The following ETV3 variants were observed in gnomAD, a reference collection of about 807,000 sequenced individuals.
The protein encoded by ETV3 is ETS translocation variant 3.
In ETV3, 8 loss-of-function variants were observed where a neutral mutation model predicts 33.0. That is an observed-to-expected ratio of 0.24 (90% confidence interval 0.14 to 0.44). ETV3 has a LOEUF of 0.44. ETV3 is among the 20% of genes least tolerant of loss of function. The pLI, the probability that ETV3 is intolerant of heterozygous loss-of-function variation, is 1.00. For synonymous variants in ETV3, 222 were observed against 238.9 expected (o/e 0.93, Z 0.65); for missense variants, 473 against 652.3 (o/e 0.73, Z 2.99).
At chr1:157,132,656 G>T (rs1674994629) in intron 4 of ETV3, among the ~76,000 whole-genome samples, 1 of 152,124 alleles carries the variant, frequency 6.6e-6, no homozygotes, top group Non-Finnish European at 1.5e-5. Context: ...CAAGATTTGA[G>T]TGGCGAGTAC....
At chr1:157,135,370 T>G in intron 3 of ETV3, 101 bp downstream of exon 3, 1 of 1,349,436 alleles carries the variant, frequency 7.4e-7, no homozygotes. Context: ...ACTAAGATAG[T>G]GTAGTCTTTT....
intron 4 of ETV3, among the ~76,000 whole-genome samples, chr1:157,131,490 G>A (rs369878335): frequency 1.5e-4 from 23 of 152,212 alleles, no homozygotes; most frequent in African/African-American, 5.3e-4. Flanking sequence ...TGTAAGTTCC[G>A]TGAGGTAAAG....
At chr1:157,134,062 A>C (rs748939441) in intron 4 of ETV3, 50 bp downstream of exon 4, 2 of 1,589,872 alleles carry the variant, frequency 1.3e-6, no homozygotes, top group East Asian at 4.5e-5. Context: ...ATTTTTAAAA[A>C]TTCTTTTCAA....
At chr1:157,128,536 C>T in intron 4 of ETV3, 1 of 261,704 alleles carries the variant, frequency 3.8e-6, no homozygotes, top group African/African-American at 2.3e-5. Flanking sequence ...AAAGGCATTA[C>T]CTGGGGAGAG....
chr1:157,130,720 AAC>A (rs1674950424), intron 4 of ETV3, among the ~76,000 whole-genome samples: 2 of 152,232 alleles, frequency 1.3e-5, no homozygotes, highest in Admixed American at 6.5e-5. Context: ...TATGACGATT[AAC>A]AGTTAATATT....
chr1:157,131,513 C>T (rs777742163), intron 4 of ETV3, among the ~76,000 whole-genome samples: 11 of 152,204 alleles, frequency 7.2e-5, no homozygotes, highest in Non-Finnish European at 1.5e-4. Flanking sequence ...CTCCCATTAT[C>T]TGTTGAACAA....
Position 157,124,765 on chromosome 1 carries a change from C to CCCCCCCTAA in ETV3, c.*75_*76insTTAGGGGGG. 2.2e-5 allele frequency: 9 copies of CCCCCCCTAA among 408,016 alleles called. No individual in the cohort carries two copies. Among genetic ancestry groups the CCCCCCCTAA allele is most frequent in the Admixed American group, 4.6e-5 (1 of 21,596 alleles). The allele number at this position is 408,016 out of a possible 1,614,324, so 25.3% of individuals were successfully genotyped here. A position where few individuals can be genotyped will look rare whatever the true frequency, so the allele number is the denominator to read the frequency against. ...CAAACCAGTTTAACTCCCTCCCCCC[C>CCCCCCCTAA]ACCCTGAAATCTTGCTACATAAATA... On this transcript the variant is annotated 3_prime_UTR_variant, in exon 5 of 5. Transcript: ENST00000368192.
At chr1:157,133,890 G>A (rs943929609) in intron 4 of ETV3, 4 of 1,375,566 alleles carry the variant, frequency 2.9e-6, no homozygotes, top group East Asian at 2.8e-5. Context: ...TGCAGAAAAG[G>A]GAACCAACCA....
chr1:157,124,986 T>G lies in ETV3; in HGVS notation c.1394A>C (p.Lys465Thr). 6.4e-7 allele frequency: 1 copy of G among 1,551,812 alleles called. No homozygotes were observed. The highest frequency in any genetic ancestry group is 8.7e-7 in the Non-Finnish European group (1 of 1,147,028). ...CTTGGGGGGCATCAGTGCATCTTCT[T>G]TCTTCTCAGGTGCACTGGGCTCTTT... The part of the protein sequence containing the change: ...PGKEPSAPEK[K>T]EDALMPPKLR... The change falls in exon 5 of 5, where the codon AAA becomes ACA. Residue 465 changes from lysine (K) to threonine (T), a missense_variant. This residue lies in a region of ETV3 where 410 missense variants were observed against 520.2 expected (regional missense o/e 0.79). Coordinates refer to ENST00000368192, the MANE Select transcript of ETV3 (RefSeq NM_001145312.3).
intron 3 of ETV3, 52 bp downstream of exon 3, chr1:157,135,419 G>A: frequency 6.3e-7 from 1 of 1,599,872 alleles, no homozygotes; most frequent in Admixed American, 1.7e-5. Flanking sequence ...TCACCAAACA[G>A]CTTAGTCTCC....
At chr1:157,136,591 TA>T in intron 1 of ETV3, among the ~76,000 whole-genome samples, 1 of 152,224 alleles carries the variant, frequency 6.6e-6, no homozygotes, top group East Asian at 1.9e-4. Flanking sequence ...CACCTGACTT[TA>T]AACCACAAAG....
intron 1 of ETV3, among the ~76,000 whole-genome samples, chr1:157,137,971 C>T (rs1056780802): frequency 6.6e-6 from 1 of 152,192 alleles, no homozygotes; most frequent in African/African-American, 2.4e-5. Context: ...GACCACTCCC[C>T]GAAGAGTGAG....
chr1:157,136,260 C>T, intron 2 of ETV3, 47 bp downstream of exon 2: 1 of 1,581,314 alleles, frequency 6.3e-7, no homozygotes, highest in Non-Finnish European at 8.7e-7. Context: ...ACAGGAACCA[C>T]TGAGGGAAGC....
At chr1:157,135,354 T>G in intron 3 of ETV3, 117 bp downstream of exon 3, 2 of 1,229,094 alleles carry the variant, frequency 1.6e-6, no homozygotes, top group Non-Finnish European at 2.3e-6. Flanking sequence ...AAGTGACACA[T>G]TATTCACTAA....
At chr1:157,133,872 A>C (rs1265325165) in intron 4 of ETV3, 72 of 1,354,474 alleles carry the variant, frequency 5.3e-5, no homozygotes, top group Non-Finnish European at 6.5e-5. Flanking sequence ...AGGAGATTAC[A>C]AACAATATGC....
intron 4 of ETV3, among the ~76,000 whole-genome samples, chr1:157,132,838 TA>T (rs1240493882): frequency 4.6e-5 from 7 of 152,016 alleles, no homozygotes; most frequent in Middle Eastern, 3.4e-3. Context: ...AGAGTCAAGC[TA>T]AAACTGCCCT....
In ETV3 at chr1:157,124,718, A is replaced by G; in HGVS notation, c.*123T>C. On this transcript the variant is annotated 3_prime_UTR_variant, in exon 5 of 5. Coordinates refer to ENST00000368192, the MANE Select transcript of ETV3 (RefSeq NM_001145312.3). Reference sequence around the variant, plus strand: ...TCCCATCCCCAAAACATAAAAATACAAGTCTATGCCCCTAGAATGATCAAA... The same window carrying G: ...TCCCATCCCCAAAACATAAAAATACGAGTCTATGCCCCTAGAATGATCAAA... 7.0e-6 allele frequency: 7 copies of G among 1,003,584 alleles called. No homozygotes were observed. The highest frequency in any genetic ancestry group is 9.8e-6 in the Non-Finnish European group (7 of 711,570). The allele number at this position is 1,003,584 out of a possible 1,614,324, so 62.2% of individuals were successfully genotyped here.
chr1:157,135,794 G>T, intron 2 of ETV3, 86 bp from the exon 3 acceptor site: 1 of 1,326,574 alleles, frequency 7.5e-7, no homozygotes, highest in Non-Finnish European at 1.1e-6. Context: ...CCACTGCTCA[G>T]AATCTAGAGT....
At position 157,125,148 on chromosome 1, in the gene ETV3, G is replaced by A. The variant is rs757475929; in HGVS notation, c.1232C>T (p.Pro411Leu). The change falls in exon 5 of 5, where the codon CCA becomes CTA. Residue 411 changes from proline (P) to leucine (L), a missense_variant. By Grantham distance (98) the Pro-to-Leu change is moderately conservative. This residue lies in a region of ETV3 where 410 missense variants were observed against 520.2 expected (regional missense o/e 0.79). Transcript: ENST00000368192. This position sits in a 1 kb window ranked among gnomAD's most constrained non-coding sequence, Gnocchi z 4.0. ...EEHTQEEGTV[P>L]SRTIEEEKGT... ...TTTTTCCTCTTCAATGGTCCTGCTTGGCACAGTGCCCTCTTCTTGAGTGTG... is the reference window on the plus strand; with the variant it reads ...TTTTTCCTCTTCAATGGTCCTGCTTAGCACAGTGCCCTCTTCTTGAGTGTG... The A allele has an allele frequency of 2.6e-6, 4 of 1,551,538 alleles. No homozygotes were observed. The highest frequency in any genetic ancestry group is 1.7e-4 in the Middle Eastern group (1 of 5,992).
Sources: allele counts gnomAD v4.1 joint callset (sites outside exome capture counted in the v4.1 genomes callset), GRCh38; gene constraint gnomAD v4.1.1; regional missense constraint gnomAD v4.1.1; non-coding constraint Gnocchi (gnomAD v3.1); transcripts MANE v1.5; gene names NCBI Gene and HGNC (gene_info 2026-07-23, HGNC 2026-07-21).